The following CNTLN variants were observed in gnomAD, a reference collection of about 807,000 sequenced individuals.
CNTLN encodes the protein centlein, centrosomal protein.
A neutral mutation model predicts 180.0 loss-of-function variants in CNTLN; 212 were observed. That is an observed-to-expected ratio of 1.18 (90% CI 1.05 to 1.32). The LOEUF (loss-of-function observed/expected upper bound fraction) is 1.32, where lower values mean the gene tolerates loss of function less well. Among genes scored for constraint, CNTLN ranks in the 40% most tolerant of loss-of-function variants. The probability of loss-of-function intolerance (pLI) is 0.00; values close to 1 mark genes in which losing one functional copy is unlikely to be tolerated. For synonymous variants in CNTLN, 722 were observed against 563.1 expected, an observed-to-expected ratio of 1.28 and a Z score of -3.99; for missense variants, 2,095 against 1,610.9, an observed-to-expected ratio of 1.30 and a Z score of -5.14.
At chr9:17,169,001 CTT>C (rs901119887) in intron 2 of CNTLN, among the ~76,000 whole-genome samples, 1 of 152,024 alleles carries the variant, frequency 6.6e-6, no homozygotes, top group African/African-American at 2.4e-5. Context: ...GATTTAGAGT[CTT>C]TTTATTTTTT....
chr9:17,447,518 C>T lies in CNTLN; in HGVS notation c.3115-10006C>T, dbSNP rs140329843. ...GCTGTGCATGCTGAATCCTTGGACA[C>T]TTGTTGGTCCCCCAAGGTGAAACTA... On this transcript the variant is annotated intron_variant, in intron 18 of 25. Coordinates refer to ENST00000380647, the MANE Select transcript of CNTLN (RefSeq NM_017738.4). 6.3e-4 allele frequency: 98 copies of T among 155,974 alleles called. No individual in the cohort carries two copies. The Middle Eastern group carries it at 0.017, about 27-fold the overall frequency. The allele number at this position is 155,974 out of a possible 1,614,324, so 9.7% of individuals were successfully genotyped here.
intron 18 of CNTLN, among the ~76,000 whole-genome samples, chr9:17,438,371 A>G (rs184481130): frequency 3.0e-4 from 46 of 152,318 alleles, no homozygotes; most frequent in Admixed American, 1.7e-3. Context: ...TTGCAGTGTT[A>G]TAATCCCAAA....
At chr9:17,257,733 A>G (rs1343592781) in intron 5 of CNTLN, among the ~76,000 whole-genome samples, 1 of 151,252 alleles carries the variant, frequency 6.6e-6, no homozygotes, top group Non-Finnish European at 1.5e-5. Flanking sequence ...GCCAGTGATG[A>G]TGAGCATTTT....
chr9:17,441,373 T>C lies in CNTLN; in HGVS notation c.3115-16151T>C, dbSNP rs568001179. 5.9e-5 allele frequency among the ~76,000 whole-genome samples: 9 copies of C among 152,190 alleles called. 1 individual carries two copies. The South Asian group carries it at 1.9e-3, about 32-fold the overall frequency. ...GTATTAAAAAACATAACTAAAAATA[T>C]GATAATGAATACATAATATAAAAAG... On this transcript the variant is annotated intron_variant, in intron 18 of 25. Transcript: ENST00000380647.
At chr9:17,145,576 G>T (rs1818399954) in intron 2 of CNTLN, among the ~76,000 whole-genome samples, 1 of 152,076 alleles carries the variant, frequency 6.6e-6, no homozygotes, top group Non-Finnish European at 1.5e-5. Context: ...ATTTCTCATT[G>T]CCCTTCTCTT....
the CNTLN span, among the ~76,000 whole-genome samples, chr9:17,522,159 A>G: frequency 6.6e-6 from 1 of 152,102 alleles, no homozygotes; most frequent in Non-Finnish European, 1.5e-5. Context: ...GGGATTTTTT[A>G]AGGATTAAGG....
At chr9:17,318,948 C>T (rs529906092) in intron 8 of CNTLN, among the ~76,000 whole-genome samples, 30 of 151,948 alleles carry the variant, frequency 2.0e-4, no homozygotes, top group Non-Finnish European at 2.9e-4. Context: ...ACAGGGGATA[C>T]GAAACTGAAC....
the CNTLN span, among the ~76,000 whole-genome samples, chr9:17,520,026 G>A: frequency 2.0e-5 from 3 of 152,172 alleles, no homozygotes; most frequent in Non-Finnish European, 4.4e-5. Context: ...CCGAAAGCTA[G>A]GATTTTTATC....
intron 25 of CNTLN, among the ~76,000 whole-genome samples, chr9:17,490,526 A>C (rs1160248899): frequency 1.3e-5 from 2 of 152,042 alleles, no homozygotes; most frequent in African/African-American, 4.8e-5. Context: ...ATTCATACAA[A>C]ATATAAAAAT....
At chr9:17,450,827 G>GT (rs144534984) in intron 18 of CNTLN, among the ~76,000 whole-genome samples, 5 of 151,462 alleles carry the variant, frequency 3.3e-5, no homozygotes, top group Admixed American at 2.0e-4. Context: ...CTGCCTAAGG[G>GT]TTTTTTTTGG....
chr9:17,402,112 T>C (rs575156915), intron 15 of CNTLN, among the ~76,000 whole-genome samples: 3 of 151,972 alleles, frequency 2.0e-5, no homozygotes, highest in East Asian at 1.9e-4. Flanking sequence ...GAACCACATA[T>C]AGACACCTAA....
intron 18 of CNTLN, among the ~76,000 whole-genome samples, chr9:17,439,644 GA>G (rs1829991630): frequency 6.6e-6 from 1 of 152,178 alleles, no homozygotes; most frequent in Non-Finnish European, 1.5e-5. Flanking sequence ...TTAAGAATGA[GA>G]AATTGAATAA....
At chr9:17,241,611 G>A (rs1474971211) in intron 5 of CNTLN, among the ~76,000 whole-genome samples, 2 of 146,482 alleles carry the variant, frequency 1.4e-5, no homozygotes, top group African/African-American at 5.3e-5. Context: ...ATTTTGATAG[G>A]GATTGCATAG....
chr9:17,384,755 C>T (rs1187133534), intron 13 of CNTLN, among the ~76,000 whole-genome samples: 1 of 152,082 alleles, frequency 6.6e-6, no homozygotes, highest in Non-Finnish European at 1.5e-5. Flanking sequence ...CCTATTTATC[C>T]CCAATTCACT....
intron 19 of CNTLN, among the ~76,000 whole-genome samples, chr9:17,462,271 C>T (rs953403538): frequency 6.6e-6 from 1 of 151,660 alleles, no homozygotes; most frequent in Admixed American, 6.6e-5. Flanking sequence ...ACTCATAGAT[C>T]GGACAATTGG....
At chr9:17,442,513 C>T (rs1830169381) in intron 18 of CNTLN, among the ~76,000 whole-genome samples, 2 of 152,156 alleles carry the variant, frequency 1.3e-5, no homozygotes, top group Admixed American at 6.5e-5. Flanking sequence ...ATTCTCCTGC[C>T]TCAGCCTCCT....
intron 12 of CNTLN, among the ~76,000 whole-genome samples, chr9:17,354,954 G>C (rs1299101731): frequency 6.6e-6 from 1 of 151,842 alleles, no homozygotes; most frequent in Non-Finnish European, 1.5e-5. Flanking sequence ...AACAACTCCA[G>C]ACACGCTGTG....
chr9:17,261,701 C>G (rs1399034674), intron 5 of CNTLN, among the ~76,000 whole-genome samples: 1 of 150,912 alleles, frequency 6.6e-6, no homozygotes, highest in Non-Finnish European at 1.5e-5. Context: ...ACTTCTAGTA[C>G]TATGTTGAAT....
chr9:17,419,539 A>G (rs970674191), intron 18 of CNTLN, among the ~76,000 whole-genome samples: 1 of 152,164 alleles, frequency 6.6e-6, no homozygotes, highest in Non-Finnish European at 1.5e-5. Flanking sequence ...CAGGTCATAC[A>G]CTATTTAATT....
Sources: gnomAD v4.1 joint callset for allele counts (sites outside exome capture counted in the v4.1 genomes callset) on GRCh38, gnomAD v4.1.1 for gene constraint, MANE v1.5 for transcripts, NCBI Gene and HGNC (gene_info 2026-07-23, HGNC 2026-07-21) for gene names.